The following CEP104 variants were observed in gnomAD, a reference collection of about 807,000 sequenced individuals.
CEP104 encodes centrosomal protein of 104 kDa.
CEP104 carries 84 observed loss-of-function variants against 113.3 expected under a neutral mutation model. That is an observed-to-expected ratio of 0.74 (90% CI 0.62 to 0.89). The LOEUF (loss-of-function observed/expected upper bound fraction) is 0.89. Among genes scored for constraint, CEP104 ranks in the 40% least tolerant of loss-of-function variants. The pLI is 0.00. For missense variants in CEP104, 1,053 were observed against 1,156.6 expected, an observed-to-expected ratio of 0.91 and a Z score of 1.30; for synonymous variants, 378 against 421.7, an observed-to-expected ratio of 0.90 and a Z score of 1.27.
chr1:3,845,627 A>G (rs1257043917), intron 4 of CEP104, among the ~76,000 whole-genome samples: 1 of 152,024 alleles, frequency 6.6e-6, no homozygotes, highest in Non-Finnish European at 1.5e-5. Flanking sequence ...GGCTGGACTT[A>G]ACCCCTTTAT....
chr1:3,847,353 T>A, intron 4 of CEP104, 122 bp downstream of exon 4: 1 of 1,038,194 alleles, frequency 9.6e-7, no homozygotes, highest in Non-Finnish European at 1.4e-6. Context: ...CTCAGCAGTC[T>A]CCCAGAAGAG....
intron 2 of CEP104, among the ~76,000 whole-genome samples, chr1:3,849,227 T>C (rs1644566281): frequency 6.6e-6 from 1 of 151,360 alleles, no homozygotes; most frequent in African/African-American, 2.4e-5. Flanking sequence ...GCCTATGCTA[T>C]GGGCCATGCT....
chr1:3,822,984 A>C, intron 20 of CEP104, 190 bp downstream of exon 20: 1 of 627,964 alleles, frequency 1.6e-6, no homozygotes, highest in Non-Finnish European at 2.8e-6. Flanking sequence ...GTACGGAAGG[A>C]AATCATGTGA....
intron 15 of CEP104, 117 bp from the exon 16 acceptor site, chr1:3,826,861 C>T: frequency 1.9e-6 from 2 of 1,054,214 alleles, no homozygotes; most frequent in Admixed American, 4.8e-5. Context: ...TTTAGAATTT[C>T]TACTGGCTGG....
At chr1:3,822,707 T>C (rs1644002087) in intron 20 of CEP104, 1 of 154,044 alleles carries the variant, frequency 6.5e-6, no homozygotes, top group Non-Finnish European at 1.4e-5. Flanking sequence ...CCGTCCCCAC[T>C]TGCCTGCTGA....
In CEP104 at chr1:3,819,079, A is replaced by G. The variant is rs1200781275; in HGVS notation, c.2572-2709T>C. On this transcript the variant is annotated intron_variant, in intron 20 of 21. Transcript: ENST00000378230. This position sits in a 1 kb window ranked among gnomAD's most constrained non-coding sequence, Gnocchi z 4.6. The stretch of plus-strand genomic sequence containing the variant: ...GTTTATCCCCCTTCACATTCAGAAA[A>G]ATTCCAGATGTTAGAATTAGCACAA... 6.6e-6 allele frequency among the ~76,000 whole-genome samples: 1 copy of G among 152,218 alleles called. No individual in the cohort carries two copies. The highest frequency in any genetic ancestry group is 1.5e-5 in the Non-Finnish European group (1 of 68,042).
Position 3,823,383 on chromosome 1 carries a change from T to C in CEP104, c.2503+41A>G, listed in dbSNP as rs191528062. The C allele has an allele frequency of 9.9e-6, 16 of 1,614,058 alleles. No homozygotes were observed. The Admixed American group carries it at 1.7e-4, about 17-fold the overall frequency. ...GTGGCACTTCCTCCAAGAGGACCCC[T>C]GGTGACCCGAGGGCACGGGAGCCTG... On this transcript the variant is annotated intron_variant, in intron 19 of 21. Coordinates refer to ENST00000378230, the MANE Select transcript of CEP104 (RefSeq NM_014704.4). The surrounding 1 kb of genome is among the most constrained non-coding windows in gnomAD (Gnocchi z 4.1).
rs2275829 is a variant in CEP104 at position 3,829,920 on chromosome 1, T to C, written c.1914A>G (p.Arg638=). The C allele has an allele frequency of 4.5e-3, 7,322 of 1,614,168 alleles. 401 individuals are homozygous for C. The East Asian group carries it at 0.12, about 27-fold the overall frequency. The stretch of plus-strand genomic sequence containing the variant: ...ACTCCAGGATGGAAGCCTGGTGCTG[T>C]CTGTACATGTCCAAAATAATTCGAA... ...TAVRIILDMY[R]QHQASILEYL... is the part of the protein sequence containing the mutation. Residue 638 remains arginine, a synonymous_variant, in exon 14 of 22, where the codon AGA becomes AGG. Coordinates refer to ENST00000378230, the MANE Select transcript of CEP104 (RefSeq NM_014704.4).
chr1:3,838,204 G>C (rs1043696051), intron 8 of CEP104, among the ~76,000 whole-genome samples: 1 of 152,312 alleles, frequency 6.6e-6, no homozygotes, highest in East Asian at 1.9e-4. Flanking sequence ...CAAGGCTGGA[G>C]TGCAGTGGTG....
Position 3,823,076 on chromosome 1 carries a change from G to C in CEP104, c.2571+98C>G. The C allele has an allele frequency of 3.6e-6, 4 of 1,109,794 alleles. No individual in the cohort carries two copies. The highest frequency in any genetic ancestry group is 5.5e-6 in the Non-Finnish European group (4 of 730,390). 68.7% of individuals were successfully genotyped at this position (1,109,794 alleles called of 1,614,324 possible). ...CCTGAACACTCATGTACTGTACTCT[G>C]TGGCTATGGTCCCGCACTGACACCA... On this transcript the variant is annotated intron_variant, in intron 20 of 21. Coordinates refer to ENST00000378230, the MANE Select transcript of CEP104 (RefSeq NM_014704.4). This position sits in a 1 kb window ranked among gnomAD's most constrained non-coding sequence, Gnocchi z 4.1.
chr1:3,838,773 C>A (rs573063602), intron 8 of CEP104, among the ~76,000 whole-genome samples, 191 bp downstream of exon 8: 1 of 152,320 alleles, frequency 6.6e-6, no homozygotes, highest in South Asian at 2.1e-4. Context: ...CTGTGAGTCT[C>A]CTGAAAGAAC....
intron 12 of CEP104, among the ~76,000 whole-genome samples, chr1:3,832,396 G>A (rs539670312): frequency 2.2e-4 from 15 of 67,500 alleles, no homozygotes; most frequent in African/African-American, 4.2e-4. Context: ...CGTAGGTCGT[G>A]ACCAGGAGTG....
chr1:3,831,106 G>A lies in CEP104; in HGVS notation c.1776C>T (p.Ala592=), dbSNP rs1644198186. 1 of 1,614,212 alleles carries A rather than the reference G, an allele frequency of 6.2e-7. No individual in the cohort carries two copies. Among genetic ancestry groups the A allele is most frequent in the East Asian group, 2.2e-5 (1 of 44,888 alleles). ...HLAMSQMGLL[A]RLLKDLGTGS... ...CAGTGCCCAGGTCTTTCAGCAGCCG[G>A]GCCAGGAGGCCCATCTGACTCATTG... Residue 592 remains alanine, a synonymous_variant, in exon 13 of 22, where the codon GCC becomes GCT. Coordinates refer to ENST00000378230, the MANE Select transcript of CEP104 (RefSeq NM_014704.4).
intron 10 of CEP104, 23 bp downstream of exon 10, chr1:3,836,472 T>C: frequency 7.7e-7 from 1 of 1,305,788 alleles, no homozygotes; most frequent in Non-Finnish European, 1.0e-6. Context: ...CACCCCGTTT[T>C]TTTTTTTTTT....
chr1:3,816,697 G>C (rs1341817844), intron 20 of CEP104, among the ~76,000 whole-genome samples: 1 of 152,254 alleles, frequency 6.6e-6, no homozygotes, highest in Non-Finnish European at 1.5e-5. Context: ...GTGAGAAGCA[G>C]AGCGCCCGCG....
At chr1:3,818,378 G>C (rs903863867) in intron 20 of CEP104, among the ~76,000 whole-genome samples, 1 of 152,300 alleles carries the variant, frequency 6.6e-6, no homozygotes, top group Admixed American at 6.5e-5. Flanking sequence ...ACAGCTCCAG[G>C]CTAAGCTCCT....
At chr1:3,830,687 A>G (rs1222982433) in intron 13 of CEP104, among the ~76,000 whole-genome samples, 1 of 151,404 alleles carries the variant, frequency 6.6e-6, no homozygotes, top group Non-Finnish European at 1.5e-5. Flanking sequence ...GAGGCAGGAG[A>G]ATGGCATGAA....
rs781315765 is a variant in CEP104, at chr1:3,825,870, AAAGC to A, written c.2256-8_2256-5del. On this transcript the variant is annotated splice_polypyrimidine_tract_variant and splice_region_variant and intron_variant, in intron 17 of 21. Transcript: ENST00000378230. ...TTCCCCACAAAAAATACACAAACTGAAAGCAAAGCAAAGCAGGAAATAAAGGTAA... is the reference window on the plus strand; with the variant it reads ...TTCCCCACAAAAAATACACAAACTGAAAAGCAAAGCAGGAAATAAAGGTAA... 1.3e-6 allele frequency: 2 copies of A among 1,579,088 alleles called. No homozygotes were observed. The highest frequency in any genetic ancestry group is 1.7e-5 in the Admixed American group (1 of 60,000).
chr1:3,827,421 T>C (rs1472140465), intron 15 of CEP104, among the ~76,000 whole-genome samples: 1 of 152,092 alleles, frequency 6.6e-6, no homozygotes, highest in African/African-American at 2.4e-5. Flanking sequence ...GGTCTCACTA[T>C]GTTGCCCAGG....
Sources: allele counts gnomAD v4.1 joint callset (sites outside exome capture counted in the v4.1 genomes callset), GRCh38; gene constraint gnomAD v4.1.1; non-coding constraint Gnocchi (gnomAD v3.1); transcripts MANE v1.5; gene names NCBI Gene and HGNC (gene_info 2026-07-23, HGNC 2026-07-21).